Variants in USP9X observed in about 807,000 individuals in gnomAD.
USP9X encodes ubiquitin carboxyl-terminal hydrolase 9X.
Under a neutral mutation model 190.3 loss-of-function variants are expected in USP9X, and 7 were observed. The ratio of observed to expected loss-of-function variants is 0.04; its 90% CI spans 0.02 to 0.07. USP9X has a LOEUF of 0.07. Ranked by LOEUF, USP9X falls within the 10% of genes least tolerant of loss-of-function variation. The pLI, the probability that USP9X is intolerant of heterozygous loss-of-function variation, is 1.00. For missense variants in USP9X, 1,010 were observed against 1,916.9 expected, an observed-to-expected ratio of 0.53 and a Z score of 8.83; for synonymous variants, 645 against 659.5, an observed-to-expected ratio of 0.98 and a Z score of 0.34.
chrX:41,167,312 C>A, intron 16 of USP9X, 170 bp from the exon 17 acceptor site: 1 of 333,810 alleles, frequency 3.0e-6, no homozygotes, highest in African/African-American at 2.7e-5. Flanking sequence ...CATTTATTAC[C>A]CTTTCTTTTG....
intron 1 of USP9X, among the ~76,000 whole-genome samples, chrX:41,090,241 A>G (rs972089723): frequency 2.7e-5 from 3 of 110,236 alleles, no homozygotes; most frequent in Non-Finnish European, 5.7e-5. Flanking sequence ...AAGATTCCCC[A>G]AAGATCTTTT....
chrX:41,089,832 C>T (rs2146905074), intron 1 of USP9X, among the ~76,000 whole-genome samples: 1 of 106,570 alleles, frequency 9.4e-6, no homozygotes, highest in African/African-American at 3.4e-5. Flanking sequence ...TCCCCTTGGT[C>T]CATTGGACCA....
intron 38 of USP9X, among the ~76,000 whole-genome samples, chrX:41,221,017 A>C (rs1383650348): frequency 9.2e-6 from 1 of 108,534 alleles, no homozygotes; most frequent in African/African-American, 3.4e-5. Flanking sequence ...TAATCCCAGC[A>C]CTTTGGGAGG....
At chrX:41,185,879 C>G (rs1343251225) in intron 23 of USP9X, among the ~76,000 whole-genome samples, 2 of 110,244 alleles carry the variant, frequency 1.8e-5, no homozygotes, top group Non-Finnish European at 3.8e-5. Context: ...CAGTAGGGAG[C>G]CCAATGCAAA....
chrX:41,155,259 T>C (rs1273150063), intron 14 of USP9X, among the ~76,000 whole-genome samples: 1 of 112,146 alleles, frequency 8.9e-6, no homozygotes, highest in Non-Finnish European at 1.9e-5. Context: ...ATTATTTAGA[T>C]AAAAGAATGA....
chrX:41,224,502 GAC>G (rs1428989232), intron 39 of USP9X, among the ~76,000 whole-genome samples: 1 of 110,320 alleles, frequency 9.1e-6, no homozygotes, highest in Non-Finnish European at 1.9e-5. Flanking sequence ...CAGGCGTGGT[GAC>G]GTGCACCTGT....
chrX:41,201,409 G>GC, intron 31 of USP9X, 129 bp downstream of exon 31: 3 of 634,445 alleles, frequency 4.7e-6, no homozygotes, highest in Non-Finnish European at 7.1e-6. Context: ...GATGGGCCGA[G>GC]CACACACCTG....
Position 41,152,932 on chromosome X carries a change from GTTC to G in USP9X, c.1764-11_1764-9del, listed in dbSNP as rs1355013883. The G allele has an allele frequency of 2.5e-6, 3 of 1,202,253 alleles. No homozygotes were observed. The highest frequency in any genetic ancestry group is 3.4e-6 in the Non-Finnish European group (3 of 890,508). ...TTTAATTGCCTAATTATATTGTTAAGTTCTTCTCGTTTCAGTCAAACTCAGCGA... is the reference window on the plus strand; with the variant it reads ...TTTAATTGCCTAATTATATTGTTAAGTTCTCGTTTCAGTCAAACTCAGCGA... On this transcript the variant is annotated splice_polypyrimidine_tract_variant and intron_variant, in intron 13 of 44. Coordinates refer to ENST00000378308, the MANE Select transcript of USP9X (RefSeq NM_001039591.3).
At chrX:41,177,915 A>G (rs2062789762) in intron 21 of USP9X, among the ~76,000 whole-genome samples, 1 of 109,190 alleles carries the variant, frequency 9.2e-6, no homozygotes, top group African/African-American at 3.3e-5. Flanking sequence ...TTAGACCCAG[A>G]CATACAACCT....
At chrX:41,111,994 C>T (rs1601941737) in intron 1 of USP9X, among the ~76,000 whole-genome samples, 2 of 110,560 alleles carry the variant, frequency 1.8e-5, no homozygotes. Context: ...TACAGGCATG[C>T]ACCACCATGC....
chrX:41,213,027 C>T (rs2063180581), intron 33 of USP9X, among the ~76,000 whole-genome samples: 1 of 112,143 alleles, frequency 8.9e-6, no homozygotes, highest in Non-Finnish European at 1.9e-5. Flanking sequence ...TAGTTTTAGA[C>T]AATTTTCTAA....
intron 20 of USP9X, 85 bp downstream of exon 20, chrX:41,170,704 T>G: frequency 1.1e-6 from 1 of 943,563 alleles, no homozygotes; most frequent in Non-Finnish European, 1.4e-6. Flanking sequence ...GGTTCTTTCT[T>G]TTCTTGAGGA....
chrX:41,208,738 C>T (rs757937586), intron 32 of USP9X, among the ~76,000 whole-genome samples: 3 of 109,726 alleles, frequency 2.7e-5, no homozygotes, highest in African/African-American at 6.6e-5. Flanking sequence ...GATGGAGTCT[C>T]GCTCTGTCGC....
At chrX:41,151,435 T>G (rs1469150461) in intron 13 of USP9X, among the ~76,000 whole-genome samples, 1 of 112,290 alleles carries the variant, frequency 8.9e-6, no homozygotes, top group African/African-American at 3.2e-5. Flanking sequence ...TTTCATAATT[T>G]TTAAACATTT....
At chrX:41,218,625 A>G in intron 37 of USP9X, 28 bp downstream of exon 37, 1 of 1,164,311 alleles carries the variant, frequency 8.6e-7, no homozygotes, top group Non-Finnish European at 1.2e-6. Flanking sequence ...TTTCTAAATG[A>G]TGAGATGTTT....
chrX:41,111,020 T>C (rs2062104794), intron 1 of USP9X, among the ~76,000 whole-genome samples: 1 of 110,715 alleles, frequency 9.0e-6, no homozygotes, highest in African/African-American at 3.3e-5. Context: ...AGGGAGAGAT[T>C]TGACTTTGTT....
chrX:41,108,886 A>T (rs2062088263), intron 1 of USP9X, among the ~76,000 whole-genome samples: 1 of 111,226 alleles, frequency 9.0e-6, no homozygotes, highest in Non-Finnish European at 1.9e-5. Flanking sequence ...TCTGCCTCAC[A>T]AGTGGGGCCT....
chrX:41,197,331 T>TGGGCCCCGCCCCCCCCCCCCC, intron 28 of USP9X, 33 bp from the exon 29 acceptor site: 1 of 486,767 alleles, frequency 2.1e-6, no homozygotes, highest in Non-Finnish European at 2.9e-6. Context: ...TTTGATTTCT[T>TGGGCCCCGCCCCCCCCCCCCC]CCCCCCCCCA....
chrX:41,110,422 T>C (rs761355006), intron 1 of USP9X, among the ~76,000 whole-genome samples: 69 of 111,422 alleles, frequency 6.2e-4, no homozygotes, highest in Non-Finnish European at 1.2e-3. Context: ...GGGAGTGGGG[T>C]TATGGTGAGA....
Sources: allele counts gnomAD v4.1 joint callset (sites outside exome capture counted in the v4.1 genomes callset), GRCh38; gene constraint gnomAD v4.1.1; transcripts MANE v1.5; gene names NCBI Gene and HGNC (gene_info 2026-07-23, HGNC 2026-07-21).